CAST: variants seen among roughly 807,000 people sequenced by gnomAD.
CAST encodes the protein MIR583 host.
Under a neutral mutation model 119.6 loss-of-function variants are expected in CAST, and 76 were observed. The ratio of observed to expected loss-of-function variants is 0.64; its 90% CI spans 0.53 to 0.77. The LOEUF is 0.77. Ranked by LOEUF, CAST falls within the 30% of genes least tolerant of loss-of-function variation. CAST has a pLI of 0.00. For synonymous variants in CAST, 319 were observed against 331.6 expected, an observed-to-expected ratio of 0.96 and a Z score of 0.41; for missense variants, 953 against 946.5, an observed-to-expected ratio of 1.01 and a Z score of -0.09.
At chr5:96,619,608 G>A (rs1561432413) in intron 1 of CAST, among the ~76,000 whole-genome samples, 2 of 152,158 alleles carry the variant, frequency 1.3e-5, no homozygotes, top group Admixed American at 1.3e-4. Flanking sequence ...CTTCCTTTAT[G>A]AGCTGTAACG....
At chr5:95,976,238 T>C in the CAST span, among the ~76,000 whole-genome samples, 6 of 151,534 alleles carry the variant, frequency 4.0e-5, no homozygotes, top group African/African-American at 1.5e-4. Flanking sequence ...TTAAAAATAT[T>C]TTTGGACAAG....
intron 3 of CAST, among the ~76,000 whole-genome samples, chr5:96,698,338 A>G (rs1753536337): frequency 1.3e-5 from 2 of 152,186 alleles, no homozygotes; most frequent in African/African-American, 2.4e-5. Context: ...TGATTTAGCT[A>G]TATGTTTATT....
chr5:96,549,584 G>A (rs925798438), intron 1 of CAST, among the ~76,000 whole-genome samples: 3 of 152,270 alleles, frequency 2.0e-5, no homozygotes, highest in African/African-American at 2.4e-5. Context: ...GAAGCAGGGC[G>A]GGGCATCACC....
chr5:96,418,395 C>A, the CAST span, among the ~76,000 whole-genome samples: 2 of 152,246 alleles, frequency 1.3e-5, no homozygotes, highest in Admixed American at 1.3e-4. Flanking sequence ...TTAAAATATC[C>A]TTGTCACATT....
At chr5:96,719,617 G>C (rs188994623) in intron 3 of CAST, among the ~76,000 whole-genome samples, 3 of 152,254 alleles carry the variant, frequency 2.0e-5, no homozygotes, top group African/African-American at 4.8e-5. Flanking sequence ...TAGGTACATG[G>C]GTCATTTGGG....
At chr5:96,752,003 C>T (rs772063867) in intron 20 of CAST, among the ~76,000 whole-genome samples, 4 of 152,176 alleles carry the variant, frequency 2.6e-5, no homozygotes, top group South Asian at 2.1e-4. Context: ...GTGACACCCT[C>T]GAACGCCAGA....
At chr5:96,379,708 C>G in the CAST span, 1 of 152,140 alleles carries the variant, frequency 6.6e-6, no homozygotes, top group Non-Finnish European at 1.5e-5. Context: ...ATTATTTTCT[C>G]TCTCCTGCAC....
At chr5:96,054,963 G>T in the CAST span, among the ~76,000 whole-genome samples, 1 of 152,150 alleles carries the variant, frequency 6.6e-6, no homozygotes, top group Non-Finnish European at 1.5e-5. Flanking sequence ...CATATTTCAT[G>T]AATATGAAAG....
chr5:96,404,070 C>T, the CAST span, among the ~76,000 whole-genome samples: 1 of 152,160 alleles, frequency 6.6e-6, no homozygotes, highest in African/African-American at 2.4e-5. Context: ...ATACTCACTA[C>T]ATAATAATAA....
the CAST span, among the ~76,000 whole-genome samples, chr5:96,323,050 T>C: frequency 2.0e-5 from 3 of 152,218 alleles, no homozygotes; most frequent in South Asian, 6.2e-4. Flanking sequence ...CCTGCCTACC[T>C]TGCTTTTTGG....
At chr5:96,504,228 G>A in the CAST span, among the ~76,000 whole-genome samples, 8 of 152,098 alleles carry the variant, frequency 5.3e-5, no homozygotes, top group South Asian at 4.1e-4. Context: ...TCTCCCCAGC[G>A]CTATCTGGCC....
At chr5:96,636,312 G>A (rs1561436665) in intron 1 of CAST, among the ~76,000 whole-genome samples, 3 of 152,138 alleles carry the variant, frequency 2.0e-5, no homozygotes, top group Non-Finnish European at 4.4e-5. Context: ...AGCACTCGAG[G>A]GATGGACTCA....
At chr5:96,258,678 G>A in the CAST span, among the ~76,000 whole-genome samples, 1 of 152,100 alleles carries the variant, frequency 6.6e-6, no homozygotes, top group African/African-American at 2.4e-5. Flanking sequence ...AGAAAACCAG[G>A]TCACTTTATC....
intron 3 of CAST, among the ~76,000 whole-genome samples, chr5:96,705,040 C>T (rs1398596797): frequency 5.3e-5 from 8 of 152,236 alleles, no homozygotes; most frequent in Admixed American, 3.3e-4. Flanking sequence ...TTAAAAAGGG[C>T]TAGGGACGGT....
chr5:96,488,328 A>G, the CAST span, among the ~76,000 whole-genome samples: 2 of 152,220 alleles, frequency 1.3e-5, no homozygotes, highest in East Asian at 3.8e-4. Context: ...AGTCACCACC[A>G]GCATTTAATG....
At chr5:96,540,700 TCA>T (rs1467906698) in intron 1 of CAST, among the ~76,000 whole-genome samples, 3 of 152,250 alleles carry the variant, frequency 2.0e-5, no homozygotes, top group Non-Finnish European at 2.9e-5. Flanking sequence ...CTTGTGGTTC[TCA>T]GGTTTCCACA....
At chr5:96,645,455 T>TGAA (rs1748002895) in intron 1 of CAST, among the ~76,000 whole-genome samples, 1 of 152,220 alleles carries the variant, frequency 6.6e-6, no homozygotes, top group Non-Finnish European at 1.5e-5. Flanking sequence ...CAAATAATTT[T>TGAA]TAAATGTGAA....
intron 1 of CAST, among the ~76,000 whole-genome samples, chr5:96,544,516 T>C (rs1745969696): frequency 6.6e-6 from 1 of 152,182 alleles, no homozygotes; most frequent in South Asian, 2.1e-4. Context: ...ACAAGTACAG[T>C]TCCTGTACTA....
the CAST span, among the ~76,000 whole-genome samples, chr5:96,061,046 A>T: frequency 6.6e-6 from 1 of 152,140 alleles, no homozygotes; most frequent in Non-Finnish European, 1.5e-5. Context: ...TATTGGATTA[A>T]GACCCAACCG....
Sources: gnomAD v4.1 joint callset for allele counts (sites outside exome capture counted in the v4.1 genomes callset) on GRCh38, gnomAD v4.1.1 for gene constraint, MANE v1.5 for transcripts, NCBI Gene and HGNC (gene_info 2026-07-23, HGNC 2026-07-21) for gene names.